The following CHRNB3 variants were observed in gnomAD, a reference collection of about 807,000 sequenced individuals.
The protein encoded by CHRNB3 is cholinergic receptor nicotinic beta 3 subunit, also known as neuronal acetylcholine receptor subunit beta-3.
In CHRNB3, 37 loss-of-function variants were observed where a neutral mutation model predicts 40.6. The ratio of observed to expected loss-of-function variants is 0.91; its 90% CI spans 0.70 to 1.20. The LOEUF is 1.20. CHRNB3 is among the 50% of genes most tolerant of loss of function. The pLI, the probability that CHRNB3 is intolerant of heterozygous loss-of-function variation, is 0.00. For missense variants in CHRNB3, 505 were observed against 551.2 expected (o/e 0.92, Z 0.84); for synonymous variants, 207 against 207.1 (o/e 1.00, Z 0.00).
intron 2 of CHRNB3, among the ~76,000 whole-genome samples, chr8:42,709,209 G>A (rs917190129): frequency 6.6e-6 from 1 of 152,128 alleles, no homozygotes; most frequent in African/African-American, 2.4e-5. Context: ...CTGACGTGCT[G>A]TGATCTTCGA....
In CHRNB3 at chr8:42,732,470, T is replaced by C. The variant is rs1483858556; in HGVS notation, c.1163T>C (p.Leu388Pro). Reference sequence around the variant, plus strand: ...CAGCTTAGTGATGGAGAAAAAGTTCTAGTTGCTTTTTTGGAAAAAGCTGCT... The same window carrying C: ...CAGCTTAGTGATGGAGAAAAAGTTCCAGTTGCTTTTTTGGAAAAAGCTGCT... ...QKQLSDGEKV[L>P]VAFLEKAADS... The change falls in exon 5 of 6, where the codon CTA becomes CCA. Residue 388 changes from leucine (L) to proline (P), a missense_variant. Transcript: ENST00000289957. 11 of 1,612,280 alleles carry C rather than the reference T, an allele frequency of 6.8e-6. No individual in the cohort carries two copies. Among genetic ancestry groups the C allele is most frequent in the Non-Finnish European group, 9.3e-6 (11 of 1,179,732 alleles).
intron 3 of CHRNB3, among the ~76,000 whole-genome samples, chr8:42,716,884 G>A (rs1345455952): frequency 6.6e-6 from 1 of 152,110 alleles, no homozygotes; most frequent in African/African-American, 2.4e-5. Flanking sequence ...CGGCTTCACT[G>A]TAGCTGAGAC....
chr8:42,716,197 G>A (rs1586399396), intron 3 of CHRNB3, among the ~76,000 whole-genome samples: 1 of 152,152 alleles, frequency 6.6e-6, no homozygotes, highest in South Asian at 2.1e-4. Context: ...GGCTGGCCTC[G>A]AACTCCTGAC....
At chr8:42,710,366 T>G (rs1260321644) in intron 2 of CHRNB3, 24 bp from the exon 3 acceptor site, 1 of 1,553,900 alleles carries the variant, frequency 6.4e-7, no homozygotes, top group African/African-American at 1.4e-5. Flanking sequence ...ACTTACAGTA[T>G]TTTTTAAATT....
At chr8:42,729,947 T>G (rs1378274930) in intron 3 of CHRNB3, among the ~76,000 whole-genome samples, 1 of 152,186 alleles carries the variant, frequency 6.6e-6, no homozygotes, top group African/African-American at 2.4e-5. Flanking sequence ...ATTTCATCCT[T>G]ATGAAGAAAA....
intron 3 of CHRNB3, among the ~76,000 whole-genome samples, chr8:42,728,981 G>A (rs761690063): frequency 1.3e-5 from 2 of 152,064 alleles, no homozygotes; most frequent in African/African-American, 4.8e-5. Context: ...CTAGGAAGGA[G>A]ATTATATTTG....
chr8:42,714,034 G>T (rs1307612562), intron 3 of CHRNB3, among the ~76,000 whole-genome samples: 1 of 152,192 alleles, frequency 6.6e-6, no homozygotes, highest in East Asian at 1.9e-4. Flanking sequence ...ATTGAGTTTG[G>T]AGTGGGAAAT....
In CHRNB3 at chr8:42,736,662, T is replaced by C; in HGVS notation, c.*44T>C. 1 of 1,610,118 alleles carries C rather than the reference T, an allele frequency of 6.2e-7. No individual in the cohort carries two copies. Among genetic ancestry groups the C allele is most frequent in the Admixed American group, 1.7e-5 (1 of 59,762 alleles). On this transcript the variant is annotated 3_prime_UTR_variant, in exon 6 of 6. Transcript: ENST00000289957. Reference sequence around the variant, plus strand: ...ACTAAATTACACCTTAGACCTGACATCTGGCTATCACACAGACAGAATCCA... The same window carrying C: ...ACTAAATTACACCTTAGACCTGACACCTGGCTATCACACAGACAGAATCCA...
rs149894351 is a variant in CHRNB3, at chr8:42,717,494, A to C, written c.249+7060A>C. Among the ~76,000 whole-genome samples, 377 of 150,858 alleles carry C rather than the reference A, an allele frequency of 2.5e-3. 3 individuals carry two copies. Among genetic ancestry groups the C allele is most frequent in the African/African-American group, 8.9e-3 (364 of 41,116 alleles). On this transcript the variant is annotated intron_variant, in intron 3 of 5. Coordinates refer to ENST00000289957, the MANE Select transcript of CHRNB3 (RefSeq NM_000749.5). ...CCATCCGCAACCTGGAATGGCACTT[A>C]CAAGTTCATGAATTCATCTCAGATC...
intron 3 of CHRNB3, among the ~76,000 whole-genome samples, chr8:42,711,922 G>A (rs1816022629): frequency 6.6e-6 from 1 of 151,842 alleles, no homozygotes; most frequent in Non-Finnish European, 1.5e-5. Flanking sequence ...ATGGGTACCA[G>A]TTGTTTAGCT....
chr8:42,714,730 T>G (rs1413515486), intron 3 of CHRNB3: 2 of 152,262 alleles, frequency 1.3e-5, no homozygotes, highest in Non-Finnish European at 2.9e-5. Context: ...CCATTGAATT[T>G]TCACAACCAT....
At chr8:42,717,446 T>TGG (rs1488790541) in intron 3 of CHRNB3, among the ~76,000 whole-genome samples, 1 of 143,320 alleles carries the variant, frequency 7.0e-6, no homozygotes, top group Non-Finnish European at 1.5e-5. Context: ...ACTAGAGGTC[T>TGG]GGGTGATCTC....
chr8:42,734,071 C>T (rs989449436), intron 5 of CHRNB3, among the ~76,000 whole-genome samples: 1 of 150,580 alleles, frequency 6.6e-6, no homozygotes, highest in Non-Finnish European at 1.5e-5. Flanking sequence ...TCCTGGCCAA[C>T]GTGGTGAAAC....
chr8:42,719,553 T>C (rs1286372041), intron 3 of CHRNB3, among the ~76,000 whole-genome samples: 1 of 152,050 alleles, frequency 6.6e-6, no homozygotes, highest in African/African-American at 2.4e-5. Context: ...AGGCTGAGGT[T>C]GGAAGATGGT....
intron 1 of CHRNB3, among the ~76,000 whole-genome samples, chr8:42,702,872 A>G (rs893714506): frequency 3.3e-5 from 5 of 152,246 alleles, no homozygotes; most frequent in African/African-American, 1.2e-4. Context: ...TAGCAATAAC[A>G]GCAAATATAT....
rs1016274641 is a variant in CHRNB3 at position 42,697,518 on chromosome 8, G to T, written c.-29G>T. On this transcript the variant is annotated 5_prime_UTR_variant, in exon 1 of 6. Coordinates refer to ENST00000289957, the MANE Select transcript of CHRNB3 (RefSeq NM_000749.5). Reference sequence around the variant, plus strand: ...GAAATGCTCTGTTGTTAAAAAGGAAGAAACTGTCTTTCTGAAACTGACATC... The same window carrying T: ...GAAATGCTCTGTTGTTAAAAAGGAATAAACTGTCTTTCTGAAACTGACATC... 6.2e-7 allele frequency: 1 copy of T among 1,603,314 alleles called. No homozygotes were observed. Among genetic ancestry groups the T allele is most frequent in the Non-Finnish European group, 8.5e-7 (1 of 1,170,464 alleles).
intron 3 of CHRNB3, among the ~76,000 whole-genome samples, chr8:42,721,098 T>C (rs1429847524): frequency 2.0e-5 from 3 of 152,246 alleles, no homozygotes; most frequent in Admixed American, 2.0e-4. Flanking sequence ...TCTGTGCCTG[T>C]CCCCAGTGCT....
chr8:42,732,640 G>T, intron 5 of CHRNB3, 91 bp downstream of exon 5: 1 of 1,241,702 alleles, frequency 8.1e-7, no homozygotes, highest in Non-Finnish European at 1.1e-6. Flanking sequence ...TATTGTCATG[G>T]TTTAAATGTG....
chr8:42,713,616 C>A (rs1009581914), intron 3 of CHRNB3, among the ~76,000 whole-genome samples: 3 of 152,164 alleles, frequency 2.0e-5, no homozygotes, highest in African/African-American at 7.2e-5. Context: ...TCTAGTGTAT[C>A]TAAATACTGA....
Sources: gnomAD v4.1 joint callset for allele counts (sites outside exome capture counted in the v4.1 genomes callset) on GRCh38, gnomAD v4.1.1 for gene constraint, MANE v1.5 for transcripts, NCBI Gene and HGNC (gene_info 2026-07-23, HGNC 2026-07-21) for gene names.